The following RIMS3 variants were observed in gnomAD, a reference collection of about 807,000 sequenced individuals.
RIMS3 encodes the protein regulating synaptic membrane exocytosis protein 3.
Under a neutral mutation model 29.2 loss-of-function variants are expected in RIMS3, and 15 were observed. The ratio of observed to expected loss-of-function variants is 0.51; its 90% CI spans 0.34 to 0.79. The LOEUF (loss-of-function observed/expected upper bound fraction) is 0.79. Among genes scored for constraint, RIMS3 ranks in the 30% least tolerant of loss-of-function variants. The pLI is 0.01. For synonymous variants in RIMS3, 161 were observed against 170.1 expected, an observed-to-expected ratio of 0.95 and a Z score of 0.41; for missense variants, 342 against 421.4, an observed-to-expected ratio of 0.81 and a Z score of 1.65.
chr1:40,681,391 C>T, the RIMS3 span: 2 of 152,254 alleles, frequency 1.3e-5, no homozygotes, highest in Non-Finnish European at 1.5e-5. Context: ...AACTGCTTTC[C>T]TTAAGCCCCT....
chr1:40,642,730 C>A (rs145972583), intron 2 of RIMS3, among the ~76,000 whole-genome samples: 7 of 151,576 alleles, frequency 4.6e-5, no homozygotes, highest in African/African-American at 1.7e-4. Context: ...CCGAGGCGGG[C>A]GGATCACCTG....
At chr1:40,689,644 T>G in the RIMS3 span, among the ~76,000 whole-genome samples, 1 of 152,020 alleles carries the variant, frequency 6.6e-6, no homozygotes, top group East Asian at 1.9e-4. Context: ...GACATTAGGG[T>G]GAGAAGTCTT....
At chr1:40,660,497 C>T (rs994129092) in intron 1 of RIMS3, among the ~76,000 whole-genome samples, 3 of 151,904 alleles carry the variant, frequency 2.0e-5, no homozygotes, top group South Asian at 2.1e-4. Flanking sequence ...CCCACCTCAG[C>T]CCCCCAAGCA....
intron 1 of RIMS3, among the ~76,000 whole-genome samples, chr1:40,652,686 C>T (rs987142912): frequency 1.6e-4 from 25 of 152,216 alleles, no homozygotes; most frequent in African/African-American, 6.0e-4. Flanking sequence ...AGGCTGGGAG[C>T]AGCCAGTGCA....
chr1:40,641,607 T>C, intron 3 of RIMS3, 102 bp downstream of exon 3: 6 of 1,133,382 alleles, frequency 5.3e-6, no homozygotes, highest in Middle Eastern at 2.0e-4. Flanking sequence ...AGTATAAGTG[T>C]CTGTGGGCAT....
chr1:40,629,310 G>T lies in RIMS3; in HGVS notation c.535C>A (p.Arg179=). ...GQLEVEVIEA[R]GLTPKPGSKS... ...GAGCCTGGTTTGGGGGTCAGGCCCC[G>T]AGCTTCAATCACTTCCACCTCCAGC... Residue 179 remains arginine (R), a synonymous_variant, in exon 6 of 8, where the codon CGG becomes AGG. Transcript: ENST00000372684. The T allele has an allele frequency of 6.2e-7, 1 of 1,614,134 alleles. No homozygotes were observed.
At chr1:40,682,479 T>G in the RIMS3 span, among the ~76,000 whole-genome samples, 1 of 152,088 alleles carries the variant, frequency 6.6e-6, no homozygotes, top group African/African-American at 2.4e-5. Context: ...TTTTTTGGCT[T>G]GGAACCCCAT....
intron 3 of RIMS3, among the ~76,000 whole-genome samples, chr1:40,637,361 G>A (rs774288942): frequency 1.3e-5 from 2 of 152,154 alleles, no homozygotes; most frequent in Non-Finnish European, 2.9e-5. Flanking sequence ...ATGGAAGGGT[G>A]GGTGGCGGGA....
the RIMS3 span, among the ~76,000 whole-genome samples, chr1:40,678,377 C>T: frequency 1.1e-4 from 17 of 152,350 alleles, no homozygotes; most frequent in East Asian, 3.1e-3. Flanking sequence ...CACTGTGCTC[C>T]ATCCTGGGTG....
the RIMS3 span, among the ~76,000 whole-genome samples, chr1:40,678,896 T>C: frequency 3.9e-5 from 6 of 152,266 alleles, no homozygotes; most frequent in East Asian, 9.7e-4. Flanking sequence ...ACAGAGGGAA[T>C]TGGTGTCAGA....
At chr1:40,674,473 G>T in the RIMS3 span, among the ~76,000 whole-genome samples, 1 of 152,192 alleles carries the variant, frequency 6.6e-6, no homozygotes. Context: ...TATATTAGCT[G>T]CTGTCCTCTG....
At chr1:40,659,370 T>C (rs1269582279) in intron 1 of RIMS3, among the ~76,000 whole-genome samples, 1 of 152,116 alleles carries the variant, frequency 6.6e-6, no homozygotes, top group Non-Finnish European at 1.5e-5. Flanking sequence ...GACAGGGAGC[T>C]ATTGAAGTAT....
chr1:40,635,799 A>G lies in RIMS3; in HGVS notation c.359+117T>C, dbSNP rs1646515247. 3.0e-6 allele frequency: 4 copies of G among 1,354,192 alleles called. No homozygotes were observed. The highest frequency in any genetic ancestry group is 4.1e-6 in the Non-Finnish European group (4 of 978,484). The allele number at this position is 1,354,192 out of a possible 1,614,324, so 83.9% of individuals were successfully genotyped here. A position where few individuals can be genotyped will look rare whatever the true frequency, so the allele number is the denominator to read the frequency against. ...GGTATGAAGGAAGGCAGAGACACAG[A>G]GGACCCAGACATTTTAGCTGGAAAC... On this transcript the variant is annotated intron_variant, in intron 4 of 7. Coordinates refer to ENST00000372684, the MANE Select transcript of RIMS3 (RefSeq NM_014747.3). The surrounding 1 kb of genome is among the most constrained non-coding windows in gnomAD (Gnocchi z 4.1).
At chr1:40,685,788 ACCCT>A in the RIMS3 span, among the ~76,000 whole-genome samples, 1 of 150,782 alleles carries the variant, frequency 6.6e-6, no homozygotes, top group Admixed American at 6.6e-5. Flanking sequence ...ATGGCCACAC[ACCCT>A]CCCAGCCTAG....
intron 2 of RIMS3, among the ~76,000 whole-genome samples, chr1:40,646,614 C>T (rs962283004): frequency 3.3e-5 from 5 of 152,160 alleles, no homozygotes; most frequent in African/African-American, 1.2e-4. Context: ...GCCACAGCAG[C>T]ACAGAAACTT....
the RIMS3 span, among the ~76,000 whole-genome samples, chr1:40,675,655 G>A: frequency 6.6e-6 from 1 of 151,984 alleles, no homozygotes; most frequent in Admixed American, 6.6e-5. Context: ...CTACTCAGGA[G>A]GCTGAGGCAG....
At chr1:40,627,973 A>G (rs1208340811) in intron 7 of RIMS3, among the ~76,000 whole-genome samples, 1 of 152,194 alleles carries the variant, frequency 6.6e-6, no homozygotes, top group African/African-American at 2.4e-5. Context: ...GAGCAGCCCT[A>G]GATGAGAAGT....
the RIMS3 span, among the ~76,000 whole-genome samples, chr1:40,672,894 T>C: frequency 6.8e-6 from 1 of 146,380 alleles, no homozygotes; most frequent in Non-Finnish European, 1.5e-5. Flanking sequence ...AGGCCGGGCA[T>C]GGTGGATTAC....
At chr1:40,638,197 G>A (rs1239952142) in intron 3 of RIMS3, among the ~76,000 whole-genome samples, 1 of 152,102 alleles carries the variant, frequency 6.6e-6, no homozygotes, top group Non-Finnish European at 1.5e-5. Context: ...ACTAGATCAG[G>A]CCCACAGACT....
Sources: gnomAD v4.1 joint callset for allele counts (sites outside exome capture counted in the v4.1 genomes callset) on GRCh38, gnomAD v4.1.1 for gene constraint, Gnocchi (gnomAD v3.1) non-coding constraint, MANE v1.5 for transcripts, NCBI Gene and HGNC (gene_info 2026-07-23, HGNC 2026-07-21) for gene names.